The following KCNIP4 variants were observed in gnomAD, a reference collection of about 807,000 sequenced individuals.
KCNIP4 encodes the protein potassium voltage-gated channel interacting protein 4.
KCNIP4 carries 12 observed loss-of-function variants against 34.0 expected under a neutral mutation model. The ratio of observed to expected loss-of-function variants is 0.35; its 90% CI spans 0.23 to 0.57. The LOEUF (loss-of-function observed/expected upper bound fraction) is 0.57. Ranked by LOEUF, KCNIP4 falls within the 20% of genes least tolerant of loss-of-function variation. The pLI is 0.83. For synonymous variants in KCNIP4, 124 were observed against 102.2 expected (o/e 1.21, Z -1.29); for missense variants, 238 against 311.7 (o/e 0.76, Z 1.78).
At chr4:21,192,888 A>G (rs1035040094) in intron 1 of KCNIP4, among the ~76,000 whole-genome samples, 6 of 150,096 alleles carry the variant, frequency 4.0e-5, no homozygotes, top group Admixed American at 4.0e-4. Context: ...AGACCCACAC[A>G]CCACCCCCCA....
intron 1 of KCNIP4, among the ~76,000 whole-genome samples, chr4:21,648,290 G>A (rs1747191782): frequency 6.6e-6 from 1 of 152,102 alleles, no homozygotes; most frequent in South Asian, 2.1e-4. Flanking sequence ...TCTACTTTAA[G>A]TCCAGTAAGC....
At chr4:21,345,006 TC>T (rs1717149887) in intron 1 of KCNIP4, among the ~76,000 whole-genome samples, 1 of 152,126 alleles carries the variant, frequency 6.6e-6, no homozygotes, top group Non-Finnish European at 1.5e-5. Context: ...ATTCTTCTCT[TC>T]CAGTGGTGGA....
chr4:21,127,328 C>T (rs1750704328), intron 1 of KCNIP4, among the ~76,000 whole-genome samples: 1 of 152,184 alleles, frequency 6.6e-6, no homozygotes, highest in African/African-American at 2.4e-5. Context: ...GATCAACTCC[C>T]TAATACATCA....
Position 21,369,083 on chromosome 4 carries a change from T to C in KCNIP4, c.62-486374A>G, listed in dbSNP as rs186521624. Among the ~76,000 whole-genome samples, 97 of 147,278 alleles carry C rather than the reference T, an allele frequency of 6.6e-4. 13 individuals are homozygous for C. Among genetic ancestry groups the C allele is most frequent in the African/African-American group, 2.3e-3 (85 of 36,956 alleles). ...TAGACCTAAATTCTAGCTCCTGTTTTATCACTTACTAGCTGAATGGTCTTG... is the reference window on the plus strand; with the variant it reads ...TAGACCTAAATTCTAGCTCCTGTTTCATCACTTACTAGCTGAATGGTCTTG... On this transcript the variant is annotated intron_variant, in intron 1 of 8. Coordinates refer to ENST00000382152, the MANE Select transcript of KCNIP4 (RefSeq NM_025221.6).
chr4:21,868,041 C>T (rs551156900), intron 1 of KCNIP4, among the ~76,000 whole-genome samples: 78 of 152,114 alleles, frequency 5.1e-4, no homozygotes, highest in African/African-American at 1.5e-3. Flanking sequence ...AAATATTTGC[C>T]GACCTAGAAG....
At position 21,410,531 on chromosome 4, in the gene KCNIP4, G is replaced by A. The variant is rs138522525; in HGVS notation, c.62-527822C>T. Among the ~76,000 whole-genome samples, 184 of 152,216 alleles carry A rather than the reference G, an allele frequency of 1.2e-3. 1 individual carries two copies. The highest frequency in any genetic ancestry group is 4.3e-3 in the African/African-American group (178 of 41,546). ...AAACCCACATAGTAGAACGGAGGCC[G>A]CCTGCTGGAAGCCAGTACCACCTTG... On this transcript the variant is annotated intron_variant, in intron 1 of 8. Coordinates refer to ENST00000382152, the MANE Select transcript of KCNIP4 (RefSeq NM_025221.6).
intron 1 of KCNIP4, among the ~76,000 whole-genome samples, chr4:21,114,264 A>G (rs981955441): frequency 3.3e-5 from 5 of 152,190 alleles, no homozygotes; most frequent in African/African-American, 1.2e-4. Flanking sequence ...ACAAACAAAC[A>G]TAGCTCACCA....
chr4:21,736,735 C>T (rs905892912), intron 1 of KCNIP4, among the ~76,000 whole-genome samples: 10 of 152,264 alleles, frequency 6.6e-5, no homozygotes, highest in Admixed American at 3.3e-4. Flanking sequence ...AATCCTATGA[C>T]ATTATAAATA....
chr4:21,103,339 A>G (rs1346567835), intron 1 of KCNIP4, among the ~76,000 whole-genome samples: 1 of 146,800 alleles, frequency 6.8e-6, no homozygotes, highest in East Asian at 2.0e-4. Flanking sequence ...TATATAATAT[A>G]TAATATACAT....
intron 1 of KCNIP4, among the ~76,000 whole-genome samples, chr4:21,038,589 G>GC (rs1741669842): frequency 6.6e-6 from 1 of 152,140 alleles, no homozygotes; most frequent in South Asian, 2.1e-4. Context: ...TCCAGCAACA[G>GC]CAATGTAGGC....
At chr4:20,837,686 A>AT (rs1318687393) in intron 3 of KCNIP4, among the ~76,000 whole-genome samples, 2,672 of 117,312 alleles carry the variant, frequency 0.023, 88 homozygotes, top group African/African-American at 0.071. Context: ...ATATATATAT[A>AT]TTTTTTTTTC....
intron 1 of KCNIP4, among the ~76,000 whole-genome samples, chr4:21,938,402 T>C (rs987862606): frequency 1.3e-5 from 2 of 152,208 alleles, no homozygotes; most frequent in Non-Finnish European, 2.9e-5. Flanking sequence ...ATGTTCAGTA[T>C]ATGTTTTGTG....
At chr4:21,946,030 G>T (rs555657626) in intron 1 of KCNIP4, among the ~76,000 whole-genome samples, 5 of 148,296 alleles carry the variant, frequency 3.4e-5, no homozygotes, top group African/African-American at 1.2e-4. Context: ...GCGTTTACTT[G>T]TTGAGAAGAG....
At chr4:20,908,210 CTG>C (rs1727978534) in intron 1 of KCNIP4, among the ~76,000 whole-genome samples, 1 of 151,562 alleles carries the variant, frequency 6.6e-6, no homozygotes, top group South Asian at 2.1e-4. Context: ...AGCGATTCTC[CTG>C]CCTCAGCCTC....
At chr4:21,139,598 G>A (rs994336093) in intron 1 of KCNIP4, among the ~76,000 whole-genome samples, 1 of 152,116 alleles carries the variant, frequency 6.6e-6, no homozygotes, top group Non-Finnish European at 1.5e-5. Flanking sequence ...CATCCAAAGA[G>A]ACATGACTTT....
At chr4:21,653,651 A>G (rs1452063285) in intron 1 of KCNIP4, among the ~76,000 whole-genome samples, 2 of 152,180 alleles carry the variant, frequency 1.3e-5, no homozygotes, top group African/African-American at 4.8e-5. Flanking sequence ...AACAGCTACT[A>G]CTTATTAAAT....
chr4:21,259,885 C>CTGTGTGTGTGTG (rs4054880), intron 1 of KCNIP4, among the ~76,000 whole-genome samples: 8,293 of 145,858 alleles, frequency 0.057, 276 homozygotes, highest in Middle Eastern at 0.099. Flanking sequence ...GCGCCCAAGA[C>CTGTGTGTGTGTG]TGTGTGTGTG....
intron 1 of KCNIP4, among the ~76,000 whole-genome samples, chr4:21,435,327 A>T (rs1454379391): frequency 6.6e-6 from 1 of 152,224 alleles, no homozygotes; most frequent in African/African-American, 2.4e-5. Flanking sequence ...ATAAGCAACC[A>T]GATGCTATTC....
chr4:21,233,951 A>T (rs929158149), intron 1 of KCNIP4, among the ~76,000 whole-genome samples: 3 of 138,818 alleles, frequency 2.2e-5, no homozygotes, highest in Admixed American at 7.7e-5. Flanking sequence ...TATTACATAT[A>T]ACATATATAA....
Sources: gnomAD v4.1 joint callset for allele counts (sites outside exome capture counted in the v4.1 genomes callset) on GRCh38, gnomAD v4.1.1 for gene constraint, MANE v1.5 for transcripts, NCBI Gene and HGNC (gene_info 2026-07-23, HGNC 2026-07-21) for gene names.